The following AMBRA1 variants were observed in gnomAD, a reference collection of about 807,000 sequenced individuals.
AMBRA1 encodes the protein activating molecule in BECN1-regulated autophagy protein 1.
Under a neutral mutation model 125.4 loss-of-function variants are expected in AMBRA1, and 47 were observed. The observed-to-expected ratio is 0.37, with a 90% confidence interval of 0.30 to 0.48. The LOEUF (loss-of-function observed/expected upper bound fraction) is 0.48, where lower values mean the gene tolerates loss of function less well. Ranked by LOEUF, AMBRA1 falls within the 20% of genes least tolerant of loss-of-function variation. The probability of loss-of-function intolerance (pLI) is 0.99; values close to 1 mark genes in which losing one functional copy is unlikely to be tolerated. For missense variants in AMBRA1, 1,331 were observed against 1,693.4 expected, an observed-to-expected ratio of 0.79 and a Z score of 3.76; for synonymous variants, 626 against 655.5, an observed-to-expected ratio of 0.95 and a Z score of 0.69.
chr11:46,554,597 G>A (rs1485641320), intron 1 of AMBRA1, among the ~76,000 whole-genome samples: 2 of 152,166 alleles, frequency 1.3e-5, no homozygotes, highest in Non-Finnish European at 2.9e-5. Context: ...AATATTTGCT[G>A]TTGCTTTAAA....
At chr11:46,437,991 G>A (rs1299136901) in intron 12 of AMBRA1, among the ~76,000 whole-genome samples, 3 of 152,138 alleles carry the variant, frequency 2.0e-5, no homozygotes, top group African/African-American at 7.2e-5. Context: ...CGGGGCCTGA[G>A]AATTTGCATT....
chr11:46,465,959 A>G (rs1165143348), intron 11 of AMBRA1, among the ~76,000 whole-genome samples: 1 of 152,246 alleles, frequency 6.6e-6, no homozygotes, highest in Non-Finnish European at 1.5e-5. Flanking sequence ...GCTGACAAAG[A>G]TACACAGATT....
Position 46,542,809 on chromosome 11 carries a change from G to A in AMBRA1, c.1208C>T (p.Pro403Leu). Residue 403 changes from proline to leucine, a missense_variant, in exon 7 of 18, where the codon CCT becomes CTT. Transcript: ENST00000683756. This position sits in a 1 kb window ranked among gnomAD's most constrained non-coding sequence, Gnocchi z 5.9. Reference protein sequence around the residue: ...RSLGGPLSSHPSRYHREIAPG... With the variant: ...RSLGGPLSSHLSRYHREIAPG... ...AGCTATTTCTCGGTGATACCTAGAA[G>A]GGTGGCTAGACAGAGGCCCTCCCAA... The A allele has an allele frequency of 2.5e-6, 4 of 1,614,098 alleles. No homozygotes were observed. The highest frequency in any genetic ancestry group is 2.5e-6 in the Non-Finnish European group (3 of 1,180,016).
intron 11 of AMBRA1, among the ~76,000 whole-genome samples, chr11:46,477,208 G>C (rs1359920109): frequency 6.6e-6 from 1 of 151,888 alleles, no homozygotes; most frequent in African/African-American, 2.4e-5. Context: ...AGTAAAGGCA[G>C]AATAGAAGGA....
intron 5 of AMBRA1, among the ~76,000 whole-genome samples, chr11:46,545,173 G>C (rs1373191302): frequency 4.0e-5 from 5 of 124,654 alleles, no homozygotes; most frequent in African/African-American, 1.3e-4. Flanking sequence ...GGGGGGGGGG[G>C]GTGGTGGTGG....
intron 1 of AMBRA1, among the ~76,000 whole-genome samples, chr11:46,584,988 C>T (rs1323624340): frequency 6.6e-6 from 1 of 152,086 alleles, no homozygotes; most frequent in African/African-American, 2.4e-5. Flanking sequence ...AGGAGAAACG[C>T]TTGAACCTGG....
chr11:46,508,859 G>C (rs188973281), intron 8 of AMBRA1, among the ~76,000 whole-genome samples: 19 of 152,292 alleles, frequency 1.2e-4, no homozygotes, highest in Admixed American at 3.3e-4. Context: ...GGTATCCACA[G>C]GTATCTTCAC....
At chr11:46,553,933 G>C (rs1288143288) in intron 1 of AMBRA1, among the ~76,000 whole-genome samples, 12 of 151,940 alleles carry the variant, frequency 7.9e-5, no homozygotes, top group Admixed American at 4.6e-4. Context: ...TCCTGAATAG[G>C]CTAAGGATGA....
intron 1 of AMBRA1, among the ~76,000 whole-genome samples, chr11:46,551,096 CAA>C (rs57293525): frequency 1.0e-4 from 5 of 49,324 alleles, no homozygotes; most frequent in Non-Finnish European, 9.2e-5. Context: ...GACTCCGCCT[CAA>C]AAAAAAAAAA....
Position 46,548,334 on chromosome 11 carries a change from C to T in AMBRA1, c.47G>A (p.Arg16Gln). The change falls in exon 2 of 18, where the codon CGA becomes CAA. Residue 16 changes from arginine to glutamine, a missense_variant. This residue lies in a region of AMBRA1 where 144 missense variants were observed against 250.4 expected (regional missense o/e 0.58). Transcript: ENST00000683756. ...EKNAVRILWG[R>Q]ERGARAMGAQ... is the part of the protein sequence containing the mutation. ...TCCCATGGCCCGAGCACCCCGTTCT[C>T]GCCCCCAGAGTATCCGGACAGCATT... is the stretch of plus-strand genomic sequence containing the variant. 2.5e-6 allele frequency: 4 copies of T among 1,614,114 alleles called. No individual in the cohort carries two copies. The highest frequency in any genetic ancestry group is 3.4e-6 in the Non-Finnish European group (4 of 1,180,038).
intron 7 of AMBRA1, among the ~76,000 whole-genome samples, chr11:46,516,159 T>C (rs181395358): frequency 6.6e-6 from 1 of 152,194 alleles, no homozygotes; most frequent in Non-Finnish European, 1.5e-5. Context: ...TTGGCAACAT[T>C]TGCTGCCCAG....
At chr11:46,576,194 C>T (rs1005953333) in intron 1 of AMBRA1, among the ~76,000 whole-genome samples, 1 of 152,110 alleles carries the variant, frequency 6.6e-6, no homozygotes, top group Non-Finnish European at 1.5e-5. Context: ...GAATACTAAT[C>T]TAGTATTTTA....
chr11:46,434,515 C>T (rs1218479072), intron 13 of AMBRA1, among the ~76,000 whole-genome samples: 1 of 152,142 alleles, frequency 6.6e-6, no homozygotes, highest in African/African-American at 2.4e-5. Context: ...TGATTATTTC[C>T]TTAAAAGCTG....
At chr11:46,538,905 A>T (rs1426611841) in intron 7 of AMBRA1, among the ~76,000 whole-genome samples, 3 of 152,220 alleles carry the variant, frequency 2.0e-5, no homozygotes, top group South Asian at 2.1e-4. Context: ...TTACTTAAAA[A>T]TTTAAAGATT....
intron 14 of AMBRA1, among the ~76,000 whole-genome samples, chr11:46,428,497 G>A (rs1947267821): frequency 6.6e-6 from 1 of 151,984 alleles, no homozygotes; most frequent in Non-Finnish European, 1.5e-5. Context: ...CGAGAGAAAA[G>A]CAAACTACGC....
intron 12 of AMBRA1, among the ~76,000 whole-genome samples, chr11:46,441,968 A>C (rs1163563221): frequency 1.3e-5 from 2 of 149,656 alleles, no homozygotes; most frequent in Non-Finnish European, 3.0e-5. Context: ...AAAAAAAAAA[A>C]ACTTTTTTTT....
chr11:46,411,559 C>T (rs1441314471), intron 15 of AMBRA1, among the ~76,000 whole-genome samples: 1 of 152,198 alleles, frequency 6.6e-6, no homozygotes, highest in Non-Finnish European at 1.5e-5. Context: ...ACCTCTGCCT[C>T]CTGGGTTCAA....
chr11:46,579,406 G>A (rs371441233), intron 1 of AMBRA1, among the ~76,000 whole-genome samples: 1 of 151,970 alleles, frequency 6.6e-6, no homozygotes, highest in African/African-American at 2.4e-5. Context: ...GTGGTGAGCC[G>A]AGATCACGCC....
chr11:46,553,247 T>C (rs1416268403), intron 1 of AMBRA1, among the ~76,000 whole-genome samples: 1 of 151,944 alleles, frequency 6.6e-6, no homozygotes, highest in Admixed American at 6.6e-5. Flanking sequence ...CCGGCCACCA[T>C]TCACTTTTTT....
Sources: allele counts gnomAD v4.1 joint callset (sites outside exome capture counted in the v4.1 genomes callset), GRCh38; gene constraint gnomAD v4.1.1; regional missense constraint gnomAD v4.1.1; non-coding constraint Gnocchi (gnomAD v3.1); transcripts MANE v1.5; gene names NCBI Gene and HGNC (gene_info 2026-07-23, HGNC 2026-07-21).